Variants in FOXO3 observed in about 807,000 individuals in gnomAD.
FOXO3 encodes forkhead box protein O3.
Under a neutral mutation model 41.9 loss-of-function variants are expected in FOXO3, and 4 were observed. The ratio of observed to expected loss-of-function variants is 0.10; its 90% confidence interval spans 0.05 to 0.22. The LOEUF (loss-of-function observed/expected upper bound fraction) is 0.22, where lower values mean the gene tolerates loss of function less well. FOXO3 is among the 10% of genes least tolerant of loss of function. The pLI is 1.00. For synonymous variants in FOXO3, 318 were observed against 389.3 expected (o/e 0.82, Z 2.16); for missense variants, 534 against 906.8 (o/e 0.59, Z 5.28).
At chr6:108,590,725 A>G (rs969436663) in intron 1 of FOXO3, among the ~76,000 whole-genome samples, 7 of 152,266 alleles carry the variant, frequency 4.6e-5, no homozygotes, top group African/African-American at 1.7e-4. Context: ...AGAGTTTACA[A>G]TGGCCAAGAA....
intron 1 of FOXO3, among the ~76,000 whole-genome samples, chr6:108,605,231 G>C (rs1367258869): frequency 6.6e-6 from 1 of 151,934 alleles, no homozygotes; most frequent in Non-Finnish European, 1.5e-5. Context: ...CAGTTTTTCT[G>C]CCTCAGCCTC....
At chr6:108,644,487 C>T (rs1582809559) in intron 1 of FOXO3, among the ~76,000 whole-genome samples, 1 of 152,148 alleles carries the variant, frequency 6.6e-6, no homozygotes, top group South Asian at 2.1e-4. Flanking sequence ...GTTCTCCTCT[C>T]TTTCTGGATC....
intron 1 of FOXO3, among the ~76,000 whole-genome samples, chr6:108,581,644 T>C (rs1776423012): frequency 6.6e-6 from 1 of 152,098 alleles, no homozygotes; most frequent in South Asian, 2.1e-4. Context: ...GAAAGCAAAG[T>C]TATTTTGTGG....
intron 1 of FOXO3, among the ~76,000 whole-genome samples, chr6:108,573,497 T>G (rs1454484339): frequency 1.3e-5 from 2 of 152,156 alleles, no homozygotes; most frequent in Non-Finnish European, 2.9e-5. Context: ...CTCCGTTATT[T>G]AGGCTCCTTC....
At chr6:108,650,171 AGGGG>A in intron 1 of FOXO3, among the ~76,000 whole-genome samples, 1 of 152,322 alleles carries the variant, frequency 6.6e-6, no homozygotes, top group South Asian at 2.1e-4. Flanking sequence ...TTATAAGGTC[AGGGG>A]TCCTGCATCC....
At position 108,636,500 on chromosome 6, in the gene FOXO3, G is replaced by A. The variant is rs188158732; in HGVS notation, c.622-26955G>A. Among the ~76,000 whole-genome samples, 11 of 152,250 alleles carry A rather than the reference G, an allele frequency of 7.2e-5. No individual in the cohort carries two copies. The South Asian group carries it at 2.1e-3, about 29-fold the overall frequency. On this transcript the variant is annotated intron_variant, in intron 1 of 2. Coordinates refer to ENST00000406360, the MANE Select transcript of FOXO3 (RefSeq NM_001455.4). The stretch of plus-strand genomic sequence containing the variant: ...GTGGAACTGGGCTGGGGTGGGGGGT[G>A]CATGAGGCAAGAGACCAAGCATCTT...
At chr6:108,639,730 G>A (rs1220427468) in intron 1 of FOXO3, 2 of 215,062 alleles carry the variant, frequency 9.3e-6, no homozygotes, top group Non-Finnish European at 1.6e-5. Flanking sequence ...AATAAATTGT[G>A]GACTAATTCT....
chr6:108,585,022 CTTT>C (rs1159028928), intron 1 of FOXO3, among the ~76,000 whole-genome samples: 4 of 51,528 alleles, frequency 7.8e-5, no homozygotes, highest in African/African-American at 1.6e-4. Context: ...TCTCCAAAAT[CTTT>C]TTTTTTTTTT....
At chr6:108,662,278 T>C (rs1181447342) in intron 1 of FOXO3, among the ~76,000 whole-genome samples, 1 of 152,226 alleles carries the variant, frequency 6.6e-6, no homozygotes, top group East Asian at 1.9e-4. Flanking sequence ...TCATGTCATA[T>C]CAAGGGTACA....
chr6:108,662,766 G>C (rs1778905843), intron 1 of FOXO3, among the ~76,000 whole-genome samples: 1 of 152,182 alleles, frequency 6.6e-6, no homozygotes. Flanking sequence ...CAAAGTGCAG[G>C]GGACAGAGGA....
chr6:108,662,869 A>G (rs1230743470), intron 1 of FOXO3, among the ~76,000 whole-genome samples: 2 of 152,174 alleles, frequency 1.3e-5, no homozygotes, highest in Non-Finnish European at 2.9e-5. Flanking sequence ...GGGCAATATA[A>G]TTACAGAAAG....
intron 1 of FOXO3, among the ~76,000 whole-genome samples, chr6:108,658,400 A>C (rs1270024956): frequency 6.6e-6 from 1 of 152,220 alleles, no homozygotes; most frequent in African/African-American, 2.4e-5. Context: ...TGTAGGTAAT[A>C]GGCTCCAGGG....
rs36097684 is a variant in FOXO3 at position 108,607,447 on chromosome 6, C to CAA, written c.621+45635_621+45636dup. Reference sequence around the variant, plus strand: ...CCTGGGTGACAGAGCGAGACTATCTCAAAAAAAAAAAAAAAAAAGAAGAAG... The same window carrying CAA: ...CCTGGGTGACAGAGCGAGACTATCTCAAAAAAAAAAAAAAAAAAAAGAAGAAG... On this transcript the variant is annotated intron_variant, in intron 1 of 2. Coordinates refer to ENST00000406360, the MANE Select transcript of FOXO3 (RefSeq NM_001455.4). Among the ~76,000 whole-genome samples the CAA allele has an allele frequency of 5.0e-3, 435 of 87,216 alleles. 4 individuals carry two copies. The highest frequency in any genetic ancestry group is 0.034 in the Middle Eastern group (5 of 146). 57.2% of individuals were successfully genotyped at this position (87,216 alleles called of 152,430 possible). A position where few individuals can be genotyped will look rare whatever the true frequency, so the allele number is the denominator to read the frequency against.
intron 1 of FOXO3, among the ~76,000 whole-genome samples, chr6:108,599,017 T>C (rs553329843): frequency 2.6e-5 from 4 of 152,346 alleles, no homozygotes; most frequent in African/African-American, 9.6e-5. Context: ...TAACACTTAT[T>C]ACATAGGAAA....
At chr6:108,633,797 G>A (rs962088630) in intron 1 of FOXO3, among the ~76,000 whole-genome samples, 16 of 151,036 alleles carry the variant, frequency 1.1e-4, no homozygotes, top group Admixed American at 9.9e-4. Flanking sequence ...AATGGCTTTT[G>A]TCTACCTTTG....
At chr6:108,630,238 G>A (rs1293443977) in intron 1 of FOXO3, among the ~76,000 whole-genome samples, 3 of 152,178 alleles carry the variant, frequency 2.0e-5, no homozygotes, top group Non-Finnish European at 4.4e-5. Context: ...GTATGAAGAG[G>A]AGGGTACAAG....
chr6:108,651,516 C>A (rs1280457756), intron 1 of FOXO3, among the ~76,000 whole-genome samples: 1 of 152,116 alleles, frequency 6.6e-6, no homozygotes, highest in Non-Finnish European at 1.5e-5. Flanking sequence ...AATAACAAGA[C>A]AAAAAGGAAC....
chr6:108,645,141 T>A (rs1778361299), intron 1 of FOXO3, among the ~76,000 whole-genome samples: 1 of 152,222 alleles, frequency 6.6e-6, no homozygotes, highest in African/African-American at 2.4e-5. Context: ...GCTCTGGGCT[T>A]GAGTGGAGAC....
chr6:108,598,617 C>A (rs190922196), intron 1 of FOXO3, among the ~76,000 whole-genome samples: 103 of 152,210 alleles, frequency 6.8e-4, no homozygotes, highest in Non-Finnish European at 7.8e-4. Context: ...AGGTCTGGGG[C>A]TGTACAGATT....
Sources: allele counts gnomAD v4.1 joint callset (sites outside exome capture counted in the v4.1 genomes callset), GRCh38; gene constraint gnomAD v4.1.1; transcripts MANE v1.5; gene names NCBI Gene and HGNC (gene_info 2026-07-23, HGNC 2026-07-21).